The following PLCB1 variants were observed in gnomAD, a reference collection of about 807,000 sequenced individuals.
PLCB1 encodes the protein phospholipase C beta 1, also known as 1-phosphatidylinositol 4,5-bisphosphate phosphodiesterase beta-1.
A neutral mutation model predicts 161.8 loss-of-function variants in PLCB1; 46 were observed. That is an observed-to-expected ratio of 0.28 (90% CI 0.22 to 0.36). The LOEUF (loss-of-function observed/expected upper bound fraction) is 0.36. Among genes scored for constraint, PLCB1 ranks in the 10% least tolerant of loss-of-function variants. The pLI, the probability that PLCB1 is intolerant of heterozygous loss-of-function variation, is 1.00. For synonymous variants in PLCB1, 517 were observed against 503.7 expected, an observed-to-expected ratio of 1.03 and a Z score of -0.35; for missense variants, 1,016 against 1,472.5, an observed-to-expected ratio of 0.69 and a Z score of 5.07.
At chr20:8,714,522 C>A (rs1189896160) in intron 12 of PLCB1, among the ~76,000 whole-genome samples, 1 of 152,174 alleles carries the variant, frequency 6.6e-6, no homozygotes, top group Non-Finnish European at 1.5e-5. Flanking sequence ...TCCCAAAGGT[C>A]TCATAGACAC....
At chr20:8,814,477 G>A (rs1346024952) in intron 31 of PLCB1, among the ~76,000 whole-genome samples, 1 of 151,942 alleles carries the variant, frequency 6.6e-6, no homozygotes. Flanking sequence ...AAAATTGGAG[G>A]ACAGGGATTT....
chr20:8,384,200 CTT>C (rs1302528536), intron 3 of PLCB1, among the ~76,000 whole-genome samples: 8 of 152,062 alleles, frequency 5.3e-5, no homozygotes, highest in African/African-American at 1.9e-4. Flanking sequence ...TCCCATATCT[CTT>C]GGAGGCTTTG....
intron 24 of PLCB1, among the ~76,000 whole-genome samples, chr20:8,758,488 A>G (rs561799214): frequency 2.6e-5 from 4 of 152,184 alleles, no homozygotes; most frequent in African/African-American, 9.6e-5. Context: ...AGGCTGAGGC[A>G]GGAGAATTGC....
chr20:8,570,643 C>T (rs1171586379), intron 3 of PLCB1, among the ~76,000 whole-genome samples: 1 of 86,884 alleles, frequency 1.2e-5, no homozygotes, highest in Non-Finnish European at 3.0e-5. Flanking sequence ...CAGACACTAT[C>T]TTAGAGACCC....
At chr20:8,795,482 C>T (rs1470575662) in intron 31 of PLCB1, among the ~76,000 whole-genome samples, 2 of 152,124 alleles carry the variant, frequency 1.3e-5, no homozygotes, top group Non-Finnish European at 1.5e-5. Context: ...GAGAAACATT[C>T]GACTGCATGT....
At chr20:8,409,795 T>C (rs1327086277) in intron 3 of PLCB1, among the ~76,000 whole-genome samples, 1 of 152,028 alleles carries the variant, frequency 6.6e-6, no homozygotes, top group Non-Finnish European at 1.5e-5. Context: ...TGGGGATCAA[T>C]AATAGGAGAC....
In PLCB1 at chr20:8,681,086, G is replaced by GTATATATATATATATA. The variant is rs202198416; in HGVS notation, c.863-3827_863-3812dup. Among the ~76,000 whole-genome samples the GTATATATATATATATA allele has an allele frequency of 2.1e-3, 155 of 73,778 alleles. 1 individual carries two copies. Among genetic ancestry groups the GTATATATATATATATA allele is most frequent in the East Asian group, 2.9e-3 (7 of 2,380 alleles). 48.4% of individuals were successfully genotyped at this position (73,778 alleles called of 152,430 possible). ...TATATATGTGTGTATATGTGTGTGT[G>GTATATATATATATATA]TATATATATATATATATATATATAT... On this transcript the variant is annotated intron_variant, in intron 9 of 31. Coordinates refer to ENST00000338037, the MANE Select transcript of PLCB1 (RefSeq NM_015192.4).
At chr20:8,777,011 A>G (rs999928968) in intron 27 of PLCB1, among the ~76,000 whole-genome samples, 3 of 152,142 alleles carry the variant, frequency 2.0e-5, no homozygotes, top group African/African-American at 7.2e-5. Flanking sequence ...CAACACAGGG[A>G]GGAGGATTCC....
intron 9 of PLCB1, among the ~76,000 whole-genome samples, chr20:8,672,836 G>A (rs1274167301): frequency 6.6e-5 from 10 of 152,074 alleles, no homozygotes; most frequent in African/African-American, 2.4e-4. Flanking sequence ...ATTCAGCTGG[G>A]CACGGTGGCT....
intron 2 of PLCB1, among the ~76,000 whole-genome samples, chr20:8,320,984 A>C (rs1035978458): frequency 7.2e-5 from 11 of 151,858 alleles, no homozygotes; most frequent in Non-Finnish European, 1.3e-4. Flanking sequence ...TAGAAAAGGA[A>C]GGAAAGAAGA....
At position 8,580,329 on chromosome 20, in the gene PLCB1, G is replaced by A. The variant is rs558688851; in HGVS notation, c.247-47965G>A. On this transcript the variant is annotated intron_variant, in intron 3 of 31. Transcript: ENST00000338037. ...CTTAGAGAGAAAAGTTAAGGGAGTTGCACTGTACTTAAAGTCATGTAGTTA... is the reference window on the plus strand; with the variant it reads ...CTTAGAGAGAAAAGTTAAGGGAGTTACACTGTACTTAAAGTCATGTAGTTA... 3.5e-4 allele frequency among the ~76,000 whole-genome samples: 53 copies of A among 152,314 alleles called. 1 individual carries two copies. The South Asian group carries it at 5.0e-3, about 14-fold the overall frequency.
chr20:8,526,262 A>G (rs1984582572), intron 3 of PLCB1, among the ~76,000 whole-genome samples: 1 of 152,180 alleles, frequency 6.6e-6, no homozygotes, highest in Non-Finnish European at 1.5e-5. Flanking sequence ...AAGCTGTCAC[A>G]CAGACCTGAA....
intron 2 of PLCB1, among the ~76,000 whole-genome samples, chr20:8,301,313 CT>C (rs1983900911): frequency 6.6e-6 from 1 of 152,084 alleles, no homozygotes; most frequent in African/African-American, 2.4e-5. Context: ...AATTTGGCAC[CT>C]CATAATTTAA....
At chr20:8,357,009 G>A (rs1440911709) in intron 2 of PLCB1, among the ~76,000 whole-genome samples, 1 of 152,034 alleles carries the variant, frequency 6.6e-6, no homozygotes, top group Non-Finnish European at 1.5e-5. Context: ...TTTATTTTTA[G>A]GTTTTACTTT....
At chr20:8,549,867 C>T (rs953430633) in intron 3 of PLCB1, among the ~76,000 whole-genome samples, 4 of 152,200 alleles carry the variant, frequency 2.6e-5, no homozygotes, top group Admixed American at 6.5e-5. Context: ...CCACCACACC[C>T]GCGGAGATCT....
chr20:8,546,044 C>T (rs1043033011), intron 3 of PLCB1, among the ~76,000 whole-genome samples: 5 of 152,006 alleles, frequency 3.3e-5, no homozygotes, highest in Non-Finnish European at 5.9e-5. Context: ...TGGCTGGGCG[C>T]GGTGGCTCAT....
chr20:8,325,636 G>C (rs991204992), intron 2 of PLCB1, among the ~76,000 whole-genome samples: 3 of 152,134 alleles, frequency 2.0e-5, no homozygotes, highest in African/African-American at 7.2e-5. Flanking sequence ...TAAAGACAAG[G>C]GTCAGGAAGG....
intron 31 of PLCB1, among the ~76,000 whole-genome samples, chr20:8,872,325 G>T (rs761797893): frequency 6.6e-6 from 1 of 152,126 alleles, no homozygotes; most frequent in Non-Finnish European, 1.5e-5. Context: ...GGACTATCCA[G>T]TTTACTTCTG....
At chr20:8,798,504 A>G (rs1044859252) in intron 31 of PLCB1, among the ~76,000 whole-genome samples, 2 of 152,164 alleles carry the variant, frequency 1.3e-5, no homozygotes, top group African/African-American at 4.8e-5. Context: ...GAAAATTACA[A>G]GTAGGCTTGG....
Sources: gnomAD v4.1 joint callset for allele counts (sites outside exome capture counted in the v4.1 genomes callset) on GRCh38, gnomAD v4.1.1 for gene constraint, MANE v1.5 for transcripts, NCBI Gene and HGNC (gene_info 2026-07-23, HGNC 2026-07-21) for gene names.